ATL1: variants seen among roughly 807,000 people sequenced by gnomAD.
ATL1 encodes atlastin-1.
ATL1 carries 31 observed loss-of-function variants against 75.5 expected under a neutral mutation model. The observed-to-expected ratio is 0.41, with a 90% CI of 0.31 to 0.55. The LOEUF is 0.55. ATL1 is among the 20% of genes least tolerant of loss of function. ATL1 has a pLI of 0.27. For synonymous variants in ATL1, 226 were observed against 233.3 expected (o/e 0.97, Z 0.28); for missense variants, 405 against 662.6 (o/e 0.61, Z 4.27).
At chr14:50,600,712 G>C (rs1028144988) in intron 6 of ATL1, among the ~76,000 whole-genome samples, 7 of 152,092 alleles carry the variant, frequency 4.6e-5, no homozygotes, top group African/African-American at 1.2e-4. Flanking sequence ...TAAGTTAACA[G>C]CTTTATTCAT....
chr14:50,562,465 G>C (rs1336060448), intron 1 of ATL1, among the ~76,000 whole-genome samples: 1 of 152,146 alleles, frequency 6.6e-6, no homozygotes, highest in Non-Finnish European at 1.5e-5. Flanking sequence ...TCCAGCCAGA[G>C]CTTTGGAATC....
At chr14:50,545,666 G>A (rs1392036819) in intron 1 of ATL1, among the ~76,000 whole-genome samples, 2 of 152,194 alleles carry the variant, frequency 1.3e-5, no homozygotes, top group Non-Finnish European at 2.9e-5. Context: ...AAAGTTAAGG[G>A]AGGAGCTGCA....
At chr14:50,623,081 C>G in intron 10 of ATL1, 96 bp from the exon 11 acceptor site, 2 of 993,970 alleles carry the variant, frequency 2.0e-6, no homozygotes, top group Non-Finnish European at 3.1e-6. Context: ...GTTTCTTGCA[C>G]ATTTCTTGCA....
chr14:50,538,650 G>A (rs1043405036), intron 1 of ATL1, among the ~76,000 whole-genome samples: 1 of 152,152 alleles, frequency 6.6e-6, no homozygotes, highest in Non-Finnish European at 1.5e-5. Context: ...TACAATGCTT[G>A]GCTGGGATCC....
chr14:50,601,198 A>G (rs1236458779), intron 6 of ATL1, among the ~76,000 whole-genome samples: 2 of 152,232 alleles, frequency 1.3e-5, no homozygotes, highest in Admixed American at 1.3e-4. Flanking sequence ...TGAATAATAA[A>G]CAGACCTATA....
intron 1 of ATL1, among the ~76,000 whole-genome samples, chr14:50,550,022 A>T (rs2038681891): frequency 6.6e-6 from 1 of 152,212 alleles, no homozygotes; most frequent in African/African-American, 2.4e-5. Flanking sequence ...CCAAGTGGCG[A>T]TGGCTACATG....
chr14:50,599,075 A>G (rs2039247775), intron 6 of ATL1, among the ~76,000 whole-genome samples: 1 of 152,026 alleles, frequency 6.6e-6, no homozygotes, highest in Admixed American at 6.5e-5. Context: ...ATGTAGTAAA[A>G]AATTGATGCA....
chr14:50,548,019 C>A (rs1022950528), intron 1 of ATL1, among the ~76,000 whole-genome samples: 5 of 152,120 alleles, frequency 3.3e-5, no homozygotes, highest in Non-Finnish European at 7.4e-5. Context: ...GAGTCTCTTG[C>A]AGATGTGGAG....
intron 11 of ATL1, among the ~76,000 whole-genome samples, chr14:50,624,071 T>C (rs1456406799): frequency 1.3e-5 from 2 of 149,398 alleles, no homozygotes; most frequent in Non-Finnish European, 3.0e-5. Context: ...CAAAATGTTA[T>C]GAAATTAAAA....
chr14:50,631,506 A>C (rs1297198162), intron 13 of ATL1, among the ~76,000 whole-genome samples: 1 of 152,198 alleles, frequency 6.6e-6, no homozygotes, highest in Non-Finnish European at 1.5e-5. Context: ...AATCTTAGAC[A>C]CTAGCTAACG....
chr14:50,628,007 C>A (rs1247726827), intron 11 of ATL1, 24 bp from the exon 12 acceptor site: 1 of 1,613,706 alleles, frequency 6.2e-7, no homozygotes, highest in South Asian at 1.1e-5. Flanking sequence ...ATTGCATAAA[C>A]AAATACTTCT....
At chr14:50,615,086 G>A (rs896603839) in intron 8 of ATL1, among the ~76,000 whole-genome samples, 2 of 152,116 alleles carry the variant, frequency 1.3e-5, no homozygotes, top group Admixed American at 1.3e-4. Flanking sequence ...ATTGTTACAT[G>A]ATTCCAAAGC....
intron 1 of ATL1, among the ~76,000 whole-genome samples, chr14:50,569,184 T>C (rs1384945765): frequency 6.7e-6 from 1 of 150,348 alleles, no homozygotes; most frequent in Non-Finnish European, 1.5e-5. Flanking sequence ...GCAAAACCCT[T>C]TCTCCACAAA....
chr14:50,567,906 A>G (rs1329444347), intron 1 of ATL1, among the ~76,000 whole-genome samples: 2 of 152,200 alleles, frequency 1.3e-5, no homozygotes, highest in Non-Finnish European at 2.9e-5. Flanking sequence ...GGACTCCCTT[A>G]TAGTCTATCT....
upstream of ATL1, chr14:50,560,131 A>G: frequency 9.6e-7 from 1 of 1,039,918 alleles, no homozygotes; most frequent in South Asian, 1.4e-5. Flanking sequence ...CACCAGCGCC[A>G]CAGCAACATC....
At position 50,613,889 on chromosome 14, in the gene ATL1, TA is replaced by T. The variant is rs150115395; in HGVS notation, c.724-481del. Among the ~76,000 whole-genome samples the T allele has an allele frequency of 3.3e-3, 501 of 152,316 alleles. 1 individual carries two copies. Among genetic ancestry groups the T allele is most frequent in the African/African-American group, 0.012 (484 of 41,574 alleles). ...AAAAACTATCAAATATGTATTTACA[TA>T]AAGTGGGAGGTGAGGGTGATTTAGC... On this transcript the variant is annotated intron_variant, in intron 7 of 13. Transcript: ENST00000358385.
intron 6 of ATL1, among the ~76,000 whole-genome samples, chr14:50,597,147 T>G (rs2039225554): frequency 7.1e-6 from 1 of 141,560 alleles, no homozygotes; most frequent in East Asian, 2.0e-4. Context: ...GAGTGGAGGT[T>G]GCAGTGAGCC....
chr14:50,600,738 G>A (rs2039264015), intron 6 of ATL1, among the ~76,000 whole-genome samples: 1 of 152,028 alleles, frequency 6.6e-6, no homozygotes, highest in South Asian at 2.1e-4. Context: ...TAAAAGTGTG[G>A]GGAAATTTTA....
intron 6 of ATL1, 130 bp downstream of exon 6, chr14:50,595,762 C>CCTG: frequency 3.8e-6 from 3 of 782,596 alleles, no homozygotes; most frequent in Admixed American, 2.2e-5. Context: ...CTATTTTATG[C>CCTG]TATTTGATGC....
Sources: gnomAD v4.1 joint callset for allele counts (sites outside exome capture counted in the v4.1 genomes callset) on GRCh38, gnomAD v4.1.1 for gene constraint, MANE v1.5 for transcripts, NCBI Gene and HGNC (gene_info 2026-07-23, HGNC 2026-07-21) for gene names.